Variants in NELL1 observed in about 807,000 individuals in gnomAD.
NELL1 encodes the protein neural EGFL like 1.
In NELL1, 76 loss-of-function variants were observed where a neutral mutation model predicts 107.4. The ratio of observed to expected loss-of-function variants is 0.71; its 90% CI spans 0.59 to 0.86. The LOEUF (loss-of-function observed/expected upper bound fraction) is 0.86, where lower values mean the gene tolerates loss of function less well. NELL1 is among the 40% of genes least tolerant of loss of function. NELL1 has a pLI of 0.00. For missense variants in NELL1, 1,024 were observed against 1,005.5 expected (o/e 1.02, Z -0.25); for synonymous variants, 353 against 341.2 (o/e 1.03, Z -0.38).
chr11:21,182,479 C>A (rs76473594), intron 13 of NELL1, among the ~76,000 whole-genome samples: 1 of 149,568 alleles, frequency 6.7e-6, no homozygotes, highest in Non-Finnish European at 1.5e-5. Flanking sequence ...CTCCATTGAA[C>A]TTTGTAATCA....
At chr11:21,058,818 A>G (rs1356715977) in intron 12 of NELL1, among the ~76,000 whole-genome samples, 4 of 152,138 alleles carry the variant, frequency 2.6e-5, no homozygotes, top group Non-Finnish European at 5.9e-5. Context: ...TCTTGCATTG[A>G]GTGTCAGAGG....
chr11:20,743,212 G>A (rs1564889491), intron 2 of NELL1, among the ~76,000 whole-genome samples: 1 of 152,032 alleles, frequency 6.6e-6, no homozygotes. Context: ...AGATTAGCCA[G>A]GTGTGATGGC....
chr11:21,351,094 G>A (rs978291416), intron 14 of NELL1, among the ~76,000 whole-genome samples: 14 of 152,070 alleles, frequency 9.2e-5, no homozygotes, highest in Admixed American at 2.6e-4. Flanking sequence ...GCACCTAGAG[G>A]AAAGTCACAT....
At chr11:21,103,376 T>A (rs1455068201) in intron 12 of NELL1, among the ~76,000 whole-genome samples, 1 of 152,146 alleles carries the variant, frequency 6.6e-6, no homozygotes, top group Non-Finnish European at 1.5e-5. Context: ...TGAATACTTT[T>A]AAAGGGGAAG....
intron 13 of NELL1, among the ~76,000 whole-genome samples, chr11:21,134,590 C>T (rs1231960114): frequency 6.6e-6 from 1 of 152,158 alleles, no homozygotes; most frequent in Non-Finnish European, 1.5e-5. Context: ...TTTTAATTTA[C>T]TGTGCTTCAG....
chr11:20,713,873 TG>T (rs556896433), intron 2 of NELL1, among the ~76,000 whole-genome samples: 64 of 152,280 alleles, frequency 4.2e-4, no homozygotes, highest in African/African-American at 1.5e-3. Context: ...TTTTATTTTG[TG>T]CAGCTCCCTA....
At chr11:20,981,866 A>C (rs1851756263) in intron 12 of NELL1, among the ~76,000 whole-genome samples, 1 of 152,190 alleles carries the variant, frequency 6.6e-6, no homozygotes. Flanking sequence ...CAAGTAACTG[A>C]AATTTCAGGA....
Position 21,216,650 on chromosome 11 carries a change from T to C in NELL1, c.1427-12682T>C, listed in dbSNP as rs114165465. On this transcript the variant is annotated intron_variant, in intron 13 of 19. Coordinates refer to ENST00000357134, the MANE Select transcript of NELL1 (RefSeq NM_006157.5). ...GTTTTAATGACTGCCCTATTGGATT[T>C]TGGACTTGCATGGAAACTGTGGCCC... Among the ~76,000 whole-genome samples, 1,454 of 152,298 alleles carry C rather than the reference T, an allele frequency of 9.5e-3. 23 individuals are homozygous for C. Among genetic ancestry groups the C allele is most frequent in the African/African-American group, 0.032 (1,334 of 41,568 alleles).
intron 15 of NELL1, among the ~76,000 whole-genome samples, chr11:21,490,863 G>A (rs1254566489): frequency 6.6e-6 from 1 of 151,916 alleles, no homozygotes; most frequent in Non-Finnish European, 1.5e-5. Context: ...AAAACATAAG[G>A]AAAACACATC....
chr11:20,878,874 C>T (rs1293597079), intron 4 of NELL1, among the ~76,000 whole-genome samples: 1 of 152,162 alleles, frequency 6.6e-6, no homozygotes, highest in Admixed American at 6.5e-5. Context: ...GAAATGCTGA[C>T]TTGAAAAAGA....
At chr11:21,436,761 G>A (rs1022182175) in intron 15 of NELL1, among the ~76,000 whole-genome samples, 1 of 152,046 alleles carries the variant, frequency 6.6e-6, no homozygotes, top group Non-Finnish European at 1.5e-5. Context: ...AAAATAGACA[G>A]TTATTGCTAT....
At chr11:20,923,935 G>T (rs1342195757) in intron 7 of NELL1, among the ~76,000 whole-genome samples, 5 of 152,104 alleles carry the variant, frequency 3.3e-5, no homozygotes, top group African/African-American at 7.2e-5. Flanking sequence ...AATGTACTTA[G>T]ATCTGTTCAT....
At chr11:21,045,527 A>C (rs1423713747) in intron 12 of NELL1, among the ~76,000 whole-genome samples, 1 of 152,214 alleles carries the variant, frequency 6.6e-6, no homozygotes, top group African/African-American at 2.4e-5. Flanking sequence ...CTTCTTCCTC[A>C]CAATCTGTAT....
intron 4 of NELL1, among the ~76,000 whole-genome samples, chr11:20,853,789 A>T (rs184697782): frequency 6.6e-6 from 1 of 152,288 alleles, no homozygotes; most frequent in Non-Finnish European, 1.5e-5. Context: ...TCCAGATCCT[A>T]AGCAAGGTTT....
At chr11:21,491,772 T>C (rs1399766148) in intron 15 of NELL1, among the ~76,000 whole-genome samples, 3 of 152,124 alleles carry the variant, frequency 2.0e-5, no homozygotes, top group Non-Finnish European at 2.9e-5. Flanking sequence ...GCACTGAATC[T>C]ATAAATTACC....
intron 13 of NELL1, among the ~76,000 whole-genome samples, chr11:21,120,679 C>T (rs1456729736): frequency 2.0e-5 from 3 of 152,106 alleles, no homozygotes; most frequent in African/African-American, 4.8e-5. Flanking sequence ...TAAAAATATG[C>T]TCTATGAAAT....
Position 20,928,465 on chromosome 11 carries a change from G to A in NELL1, c.983G>A (p.Cys328Tyr), listed in dbSNP as rs1383559009. 2 of 1,613,714 alleles carry A rather than the reference G, an allele frequency of 1.2e-6. No homozygotes were observed. Among genetic ancestry groups the A allele is most frequent in the South Asian group, 1.1e-5 (1 of 91,076 alleles). Residue 328 changes from cysteine (C) to tyrosine (Y), a missense_variant, in exon 9 of 20, where the codon TGT becomes TAT. Coordinates refer to ENST00000357134, the MANE Select transcript of NELL1 (RefSeq NM_006157.5). Reference protein sequence around the residue: ...SLPVHIAGQCCKVCRPKCIYG... With the variant: ...SLPVHIAGQCYKVCRPKCIYG... ...CCAGTGCACATTGCTGGCCAGTGCT[G>A]TAAGGTCTGCCGACGTAAGTACTGA...
At chr11:21,363,047 C>A (rs1851121705) in intron 14 of NELL1, among the ~76,000 whole-genome samples, 1 of 152,016 alleles carries the variant, frequency 6.6e-6, no homozygotes, top group African/African-American at 2.4e-5. Flanking sequence ...TTGCCCCAGG[C>A]CATGAGCTAC....
chr11:20,900,253 A>G (rs1184114061), intron 5 of NELL1, among the ~76,000 whole-genome samples: 2 of 152,290 alleles, frequency 1.3e-5, no homozygotes, highest in East Asian at 1.9e-4. Flanking sequence ...ATAAAGTTTC[A>G]AGAGTCAGAG....
Sources: allele counts gnomAD v4.1 joint callset (sites outside exome capture counted in the v4.1 genomes callset), GRCh38; gene constraint gnomAD v4.1.1; transcripts MANE v1.5; gene names NCBI Gene and HGNC (gene_info 2026-07-23, HGNC 2026-07-21).